CLIP2: variants seen among roughly 807,000 people sequenced by gnomAD.
CLIP2 encodes CAP-Gly domain-containing linker protein 2.
CLIP2 carries 41 observed loss-of-function variants against 111.7 expected under a neutral mutation model. The observed-to-expected ratio is 0.37, with a 90% confidence interval of 0.29 to 0.48. The LOEUF is 0.48. Ranked by LOEUF, CLIP2 falls within the 20% of genes least tolerant of loss-of-function variation. The pLI is 0.99. For synonymous variants in CLIP2, 660 were observed against 644.2 expected (o/e 1.02, Z -0.37); for missense variants, 1,160 against 1,422.1 (o/e 0.82, Z 2.96).
chr7:74,320,954 G>A (rs1554729934), intron 2 of CLIP2, among the ~76,000 whole-genome samples: 1 of 87,666 alleles, frequency 1.1e-5, no homozygotes, highest in Non-Finnish European at 3.3e-5. Flanking sequence ...ATGGCGTGCA[G>A]CGAGAGAGTC....
chr7:74,379,740 TGGG>T (rs2116665477), intron 10 of CLIP2, among the ~76,000 whole-genome samples: 1 of 152,062 alleles, frequency 6.6e-6, no homozygotes, highest in South Asian at 2.1e-4. Context: ...CACTCCAGCC[TGGG>T]CGACGGAGTG....
chr7:74,317,935 T>TA (rs1247264752), intron 2 of CLIP2, among the ~76,000 whole-genome samples: 1 of 152,100 alleles, frequency 6.6e-6, no homozygotes, highest in Non-Finnish European at 1.5e-5. Context: ...CTCACGCCTG[T>TA]AATCCCAGCA....
intron 2 of CLIP2, among the ~76,000 whole-genome samples, chr7:74,335,270 C>CA (rs36136697): frequency 0.012 from 1,195 of 99,832 alleles, 48 homozygotes; most frequent in African/African-American, 0.04. Context: ...GACTCCATCT[C>CA]AAAAAAAAAA....
At chr7:74,359,255 C>T (rs1790243580) in intron 6 of CLIP2, among the ~76,000 whole-genome samples, 1 of 151,696 alleles carries the variant, frequency 6.6e-6, no homozygotes, top group African/African-American at 2.4e-5. Context: ...ATGTGTGAGC[C>T]ACCGTGCCCG....
chr7:74,403,558 A>G (rs897196213), intron 16 of CLIP2, among the ~76,000 whole-genome samples: 5 of 152,074 alleles, frequency 3.3e-5, no homozygotes, highest in Non-Finnish European at 7.4e-5. Flanking sequence ...ACAGAGCAAG[A>G]CTCCGTCTTA....
At chr7:74,402,017 CTT>C (rs1791636411) in intron 16 of CLIP2, among the ~76,000 whole-genome samples, 1 of 152,158 alleles carries the variant, frequency 6.6e-6, no homozygotes, top group South Asian at 2.1e-4. Context: ...AATCCCAACA[CTT>C]TGGGAGGCCG....
Position 74,401,572 on chromosome 7 carries a change from G to T in CLIP2, c.3129+5G>T. The T allele has an allele frequency of 1.9e-6, 3 of 1,613,570 alleles. No individual in the cohort carries two copies. The highest frequency in any genetic ancestry group is 2.5e-6 in the Non-Finnish European group (3 of 1,179,830). On this transcript the variant is annotated splice_donor_5th_base_variant and intron_variant, in intron 16 of 16. Transcript: ENST00000223398. ...GACAAAGCTCAGAAACAAGAGGTGA[G>T]GGGCGCCTCGGGCCTCCCAGGTCCC...
chr7:74,317,309 CT>C (rs1788808635), intron 1 of CLIP2, among the ~76,000 whole-genome samples, 170 bp from the exon 2 acceptor site: 1 of 152,078 alleles, frequency 6.6e-6, no homozygotes, highest in Non-Finnish European at 1.5e-5. Context: ...GATGGTGAGT[CT>C]GAGAGCGGGA....
intron 13 of CLIP2, among the ~76,000 whole-genome samples, chr7:74,395,384 T>C (rs1422832420): frequency 2.6e-5 from 4 of 152,134 alleles, no homozygotes; most frequent in African/African-American, 9.7e-5. Context: ...TCTTGACTCA[T>C]GACCTCAAGT....
At chr7:74,291,852 C>T (rs782599214) in intron 1 of CLIP2, among the ~76,000 whole-genome samples, 2 of 152,114 alleles carry the variant, frequency 1.3e-5, no homozygotes, top group African/African-American at 2.4e-5. Flanking sequence ...CAGGCCTGCC[C>T]ACGTGTGGTC....
chr7:74,398,861 A>G (rs1349582654), intron 14 of CLIP2, among the ~76,000 whole-genome samples: 1 of 152,162 alleles, frequency 6.6e-6, no homozygotes, highest in Non-Finnish European at 1.5e-5. Flanking sequence ...GAATACCCCC[A>G]GGGGCTTCCC....
intron 2 of CLIP2, among the ~76,000 whole-genome samples, chr7:74,323,081 T>TTTTA (rs58819810): frequency 0.026 from 3,807 of 144,884 alleles, 40 homozygotes; most frequent in Middle Eastern, 0.042. Flanking sequence ...TTTAGCTATG[T>TTTTA]TTTATTTATT....
chr7:74,329,087 G>GTTTT (rs35692014), intron 2 of CLIP2, among the ~76,000 whole-genome samples: 11 of 111,052 alleles, frequency 9.9e-5, no homozygotes, highest in Non-Finnish European at 1.6e-4. Context: ...TTTTTTTTTG[G>GTTTT]TTTTTTTTTT....
chr7:74,400,902 C>T (rs1487625034), intron 15 of CLIP2, among the ~76,000 whole-genome samples: 1 of 150,646 alleles, frequency 6.6e-6, no homozygotes, highest in Non-Finnish European at 1.5e-5. Context: ...CAGCTCTGTC[C>T]CAGAAGCCCC....
At chr7:74,373,757 AGGAG>A (rs1213657124) in intron 9 of CLIP2, among the ~76,000 whole-genome samples, 1 of 152,020 alleles carries the variant, frequency 6.6e-6, no homozygotes, top group Non-Finnish European at 1.5e-5. Context: ...TCCCCAGCTG[AGGAG>A]GCTGGGGAGA....
chr7:74,391,112 A>C (rs1367513830), intron 13 of CLIP2, among the ~76,000 whole-genome samples: 1 of 152,092 alleles, frequency 6.6e-6, no homozygotes, highest in Non-Finnish European at 1.5e-5. Context: ...ATTATTTCAA[A>C]TTTTTGCAAA....
At chr7:74,343,580 T>C (rs1490816477) in intron 3 of CLIP2, among the ~76,000 whole-genome samples, 1 of 152,054 alleles carries the variant, frequency 6.6e-6, no homozygotes, top group Non-Finnish European at 1.5e-5. Context: ...TGCTTTATGC[T>C]TTTATGGAGA....
chr7:74,386,041 C>T (rs1429493965), intron 11 of CLIP2, among the ~76,000 whole-genome samples: 3 of 135,594 alleles, frequency 2.2e-5, no homozygotes, highest in African/African-American at 7.8e-5. Flanking sequence ...CTCGCCCAGC[C>T]TCTTTTTTTT....
At chr7:74,375,812 C>G (rs1442871142) in intron 9 of CLIP2, 75 bp from the exon 10 acceptor site, 3 of 1,292,170 alleles carry the variant, frequency 2.3e-6, no homozygotes, top group Non-Finnish European at 3.1e-6. Flanking sequence ...CCTACCCGGC[C>G]CCCACCATTG....
Sources: allele counts gnomAD v4.1 joint callset (sites outside exome capture counted in the v4.1 genomes callset), GRCh38; gene constraint gnomAD v4.1.1; transcripts MANE v1.5; gene names NCBI Gene and HGNC (gene_info 2026-07-23, HGNC 2026-07-21).